Variants in GCN1 observed in about 807,000 individuals in gnomAD.
GCN1 encodes stalled ribosome sensor GCN1.
Under a neutral mutation model 288.4 loss-of-function variants are expected in GCN1, and 90 were observed. That is an observed-to-expected ratio of 0.31 (90% CI 0.26 to 0.37). The LOEUF is 0.37. Ranked by LOEUF, GCN1 falls within the 10% of genes least tolerant of loss-of-function variation. The probability of loss-of-function intolerance (pLI) is 1.00; values close to 1 mark genes in which losing one functional copy is unlikely to be tolerated. For missense variants in GCN1, 2,586 were observed against 3,419.9 expected, an observed-to-expected ratio of 0.76 and a Z score of 6.08; for synonymous variants, 1,386 against 1,420.2, an observed-to-expected ratio of 0.98 and a Z score of 0.54.
chr12:120,166,857 T>C (rs1297493210), intron 16 of GCN1, among the ~76,000 whole-genome samples: 3 of 144,568 alleles, frequency 2.1e-5, no homozygotes, highest in Admixed American at 6.9e-5. Context: ...TAAAAAAAAA[T>C]ACAAAAATTA....
chr12:120,138,645 A>G (rs1293706538), intron 46 of GCN1, 50 bp downstream of exon 46: 1 of 1,566,930 alleles, frequency 6.4e-7, no homozygotes, highest in Non-Finnish European at 8.7e-7. Context: ...TCCATCTACA[A>G]AGACGGCAAA....
In GCN1 at chr12:120,144,302, T is replaced by G; in HGVS notation, c.5495+4A>C. 2 of 1,614,238 alleles carry G rather than the reference T, an allele frequency of 1.2e-6. No homozygotes were observed. The highest frequency in any genetic ancestry group is 1.7e-6 in the Non-Finnish European group (2 of 1,180,024). On this transcript the variant is annotated splice_donor_region_variant and intron_variant, in intron 42 of 57. Transcript: ENST00000300648. This position sits in a 1 kb window ranked among gnomAD's most constrained non-coding sequence, Gnocchi z 4.7. ...CCACTGGGTCTTTCTGCCCAAGTTC[T>G]CACCTGATTCTCCAAAGGTCATCAA...
rs1455101051 is a variant in GCN1, at chr12:120,161,912, AG to A, written c.2309del (p.Ala770ValfsTer18). 1 of 1,614,054 alleles carries A rather than the reference AG, an allele frequency of 6.2e-7. No individual in the cohort carries two copies. Among genetic ancestry groups the A allele is most frequent in the Non-Finnish European group, 8.5e-7 (1 of 1,180,050 alleles). On this transcript the variant is annotated frameshift_variant, in exon 21 of 58. Coordinates refer to ENST00000300648, the MANE Select transcript of GCN1 (RefSeq NM_006836.2). LOFTEE classifies it high-confidence loss of function. The part of the protein sequence containing the change: ...REEFAIMQTP[A>X]GELYDKSIIQ... ...TGATGGATTTGTCATACAGCTCCCC[AG>A]CAGGGGTCTGCATAATGGCAAACTC...
At chr12:120,167,669 A>C (rs1038969074) in intron 16 of GCN1, among the ~76,000 whole-genome samples, 1 of 151,994 alleles carries the variant, frequency 6.6e-6, no homozygotes, top group African/African-American at 2.4e-5. Flanking sequence ...TTAGCTAAAA[A>C]TTTTTCTAAA....
In GCN1 at chr12:120,131,268, T is replaced by C. The variant is rs1876810442; in HGVS notation, c.7480A>G (p.Asn2494Asp). The change falls in exon 55 of 58, where the codon AAT becomes GAT. Residue 2494 changes from asparagine (N) to aspartate (D), a missense_variant. Transcript: ENST00000300648. The part of the protein sequence containing the change: ...GRSLALSVAV[N>D]VAPGRLCAGR... ...GCACAAAGTCTGCCAGGAGCCACAT[T>C]CACAGCCACGGAAAGTGCCAGGCTC... 6.2e-7 allele frequency: 1 copy of C among 1,614,048 alleles called. No individual in the cohort carries two copies. Among genetic ancestry groups the C allele is most frequent in the Admixed American group, 1.7e-5 (1 of 60,030 alleles).
Position 120,158,881 on chromosome 12 carries a change from G to A in GCN1, c.2750-266C>T, listed in dbSNP as rs1237682244. On this transcript the variant is annotated intron_variant, in intron 24 of 57. Transcript: ENST00000300648. The surrounding 1 kb of genome is among the most constrained non-coding windows in gnomAD (Gnocchi z 4.3). ...CAAAAAATTAGCTGGGCGTGGTGAC[G>A]GGCGCCTGTAGTCCCAGCTACTCAG... 3.3e-5 allele frequency among the ~76,000 whole-genome samples: 5 copies of A among 151,846 alleles called. 1 individual carries two copies. In the East Asian group the frequency reaches 5.8e-4, roughly 18 times the overall value.
intron 24 of GCN1, among the ~76,000 whole-genome samples, chr12:120,159,410 C>G (rs1156957167): frequency 6.6e-6 from 1 of 152,206 alleles, no homozygotes; most frequent in African/African-American, 2.4e-5. Flanking sequence ...GCCACCCTAC[C>G]TGGTGTTTGT....
In GCN1 at chr12:120,168,284, A is replaced by T. The variant is rs761132206; in HGVS notation, c.1536T>A (p.Ser512Arg). 1 of 1,605,988 alleles carries T rather than the reference A, an allele frequency of 6.2e-7. No individual in the cohort carries two copies. Among genetic ancestry groups the T allele is most frequent in the Non-Finnish European group, 8.5e-7 (1 of 1,172,616 alleles). ...ADSQAEAKLS[S>R]FWQLIVDEKK... ...TCTCATCCACAATCAACTGCCAGAA[A>T]CTGCTCAGTTTGGCCTCTGCAAGAA... Residue 512 changes from serine to arginine, a missense_variant, in exon 16 of 58, where the codon AGT becomes AGA. Transcript: ENST00000300648.
At position 120,134,361 on chromosome 12, in the gene GCN1, C is replaced by T; in HGVS notation, c.7247G>A (p.Gly2416Glu). 1 of 1,614,070 alleles carries T rather than the reference C, an allele frequency of 6.2e-7. No individual in the cohort carries two copies. The highest frequency in any genetic ancestry group is 8.5e-7 in the Non-Finnish European group (1 of 1,180,004). Reference sequence around the variant, plus strand: ...CCGGATGACGGCATCCACTTTGGCCCCTGCTCCCTGAATCACAAACCTCAG... The same window carrying T: ...CCGGATGACGGCATCCACTTTGGCCTCTGCTCCCTGAATCACAAACCTCAG... ...QALRFVIQGA[G>E]AKVDAVIRKN... Residue 2416 changes from glycine to glutamate, a missense_variant, in exon 53 of 58, where the codon GGG becomes GAG. Transcript: ENST00000300648. This position sits in a 1 kb window ranked among gnomAD's most constrained non-coding sequence, Gnocchi z 5.0.
Position 120,184,159 on chromosome 12 carries a change from T to C in GCN1, c.270A>G (p.Leu90=). ...CTATACCAGAAGACTGCAGAGAGTG[T>C]AGAAGGTTCTTAGCAGTGGCTTCTG... ...AQPEATAKNL[L]HSLQSSGIGS... The change falls in exon 4 of 58, where the codon CTA becomes CTG. Residue 90 remains leucine, a synonymous_variant. Coordinates refer to ENST00000300648, the MANE Select transcript of GCN1 (RefSeq NM_006836.2). 1.2e-6 allele frequency: 2 copies of C among 1,613,932 alleles called. No homozygotes were observed. The highest frequency in any genetic ancestry group is 1.7e-6 in the Non-Finnish European group (2 of 1,179,830).
At chr12:120,160,307 C>A (rs1473052516) in intron 22 of GCN1, 52 bp from the exon 23 acceptor site, 3 of 1,254,810 alleles carry the variant, frequency 2.4e-6, no homozygotes, top group Non-Finnish European at 3.5e-6. Context: ...ACAGACCTCC[C>A]TCCCCAACAG....
At chr12:120,185,327 G>A (rs1272132499) in intron 2 of GCN1, among the ~76,000 whole-genome samples, 6 of 152,180 alleles carry the variant, frequency 3.9e-5, no homozygotes, top group African/African-American at 7.2e-5. Context: ...CCAGAAAAGG[G>A]AAGAACACCT....
chr12:120,180,431 A>C (rs1324873367), intron 5 of GCN1, among the ~76,000 whole-genome samples: 1 of 150,740 alleles, frequency 6.6e-6, no homozygotes, highest in Non-Finnish European at 1.5e-5. Context: ...CCTGGCCAAC[A>C]TGGTGAAACC....
chr12:120,164,803 A>G (rs1878047681), intron 16 of GCN1, 82 bp from the exon 17 acceptor site: 6 of 834,688 alleles, frequency 7.2e-6, no homozygotes, highest in Non-Finnish European at 1.2e-5. Flanking sequence ...AATAACTGGA[A>G]TGAACTGAAA....
intron 9 of GCN1, among the ~76,000 whole-genome samples, chr12:120,176,931 T>A (rs777209121): frequency 6.6e-6 from 1 of 152,136 alleles, no homozygotes; most frequent in Non-Finnish European, 1.5e-5. Context: ...CACGCCTAAT[T>A]TTTTTCGTAT....
At position 120,177,457 on chromosome 12, in the gene GCN1, A is replaced by G. The variant is rs760561946; in HGVS notation, c.828T>C (p.Asn276=). ...TTGACAGCAACCTACTTTCAATAAC[A>G]TTCTCTGGACTCCTCAGTAAGGACT... ...IQKSLLRSPE[N]VIETISSLLA... The change falls in exon 9 of 58, where the codon AAT becomes AAC. Residue 276 remains asparagine (N), a synonymous_variant. Coordinates refer to ENST00000300648, the MANE Select transcript of GCN1 (RefSeq NM_006836.2). 6.4e-7 allele frequency: 1 copy of G among 1,558,192 alleles called. No homozygotes were observed. The highest frequency in any genetic ancestry group is 8.9e-7 in the Non-Finnish European group (1 of 1,129,642).
chr12:120,190,238 A>AG (rs1878961431), intron 2 of GCN1, 60 bp downstream of exon 2: 3 of 960,632 alleles, frequency 3.1e-6, no homozygotes, highest in Admixed American at 2.1e-5. Context: ...AAAAAAAAAA[A>AG]AAAAGAAAGA....
chr12:120,162,960 A>G lies in GCN1; in HGVS notation c.2050T>C (p.Ser684Pro). 6.2e-7 allele frequency: 1 copy of G among 1,614,240 alleles called. No homozygotes were observed. The highest frequency in any genetic ancestry group is 8.5e-7 in the Non-Finnish European group (1 of 1,180,044). The change falls in exon 20 of 58, where the codon TCT becomes CCT. Residue 684 changes from serine to proline, a missense_variant. Physicochemically the swap from Ser to Pro is moderately conservative, Grantham distance 74 (BLOSUM62 -1). This residue lies in a region of GCN1 where 913 missense variants were observed against 1,107.0 expected (regional missense o/e 0.82). Coordinates refer to ENST00000300648, the MANE Select transcript of GCN1 (RefSeq NM_006836.2). ...GCAAGAAGTGCTGGCCAAAGTCCAG[A>G]CTGCACGGCAACTGAAGGGGAAGGG... The part of the protein sequence containing the change: ...SHHPSLVAVQ[S>P]GLWPALLARM...
intron 33 of GCN1, 25 bp from the exon 34 acceptor site, chr12:120,151,416 G>A: frequency 1.2e-6 from 2 of 1,611,140 alleles, no homozygotes; most frequent in Non-Finnish European, 1.7e-6. Context: ...ACCTGTCAAT[G>A]CTGTGGCTCC....
Sources: gnomAD v4.1 joint callset for allele counts (sites outside exome capture counted in the v4.1 genomes callset) on GRCh38, gnomAD v4.1.1 for gene constraint, gnomAD v4.1.1 regional missense constraint, Gnocchi (gnomAD v3.1) non-coding constraint, MANE v1.5 for transcripts, NCBI Gene and HGNC (gene_info 2026-07-23, HGNC 2026-07-21) for gene names.